The following EXD3 variants were observed in gnomAD, a reference collection of about 807,000 sequenced individuals.
The protein encoded by EXD3 is exonuclease mut-7 homolog.
EXD3 carries 92 observed loss-of-function variants against 98.0 expected under a neutral mutation model. The observed-to-expected ratio is 0.94, with a 90% CI of 0.79 to 1.12. The LOEUF is 1.12. Among genes scored for constraint, EXD3 ranks in the 50% most tolerant of loss-of-function variants. EXD3 has a pLI of 0.00. For synonymous variants in EXD3, 569 were observed against 526.0 expected, an observed-to-expected ratio of 1.08 and a Z score of -1.12; for missense variants, 1,222 against 1,191.6, an observed-to-expected ratio of 1.03 and a Z score of -0.38.
At chr9:137,330,258 C>G (rs1473288478) in intron 17 of EXD3, among the ~76,000 whole-genome samples, 1 of 127,894 alleles carries the variant, frequency 7.8e-6, no homozygotes, top group Non-Finnish European at 1.6e-5. Flanking sequence ...ACACAGGGCT[C>G]CACAGGAGCT....
In EXD3 at chr9:137,371,031, G is replaced by C. The variant is rs894509014; in HGVS notation, c.462+1874C>G. 6.6e-6 allele frequency among the ~76,000 whole-genome samples: 1 copy of C among 152,296 alleles called. No homozygotes were observed. Among genetic ancestry groups the C allele is most frequent in the East Asian group, 1.9e-4 (1 of 5,176 alleles). On this transcript the variant is annotated intron_variant, in intron 5 of 21. Transcript: ENST00000340951. This position sits in a 1 kb window ranked among gnomAD's most constrained non-coding sequence, Gnocchi z 8.0. Reference sequence around the variant, plus strand: ...GGCGGTGAGCAGTGGAGCATGCATCGCCTGCCGGGCGGCCCCGCTCGGGGA... The same window carrying C: ...GGCGGTGAGCAGTGGAGCATGCATCCCCTGCCGGGCGGCCCCGCTCGGGGA...
At position 137,349,329 on chromosome 9, in the gene EXD3, G is replaced by T. The variant is rs1026684969; in HGVS notation, c.1657+40C>A. ...GCCTCCCGGGACAGAGGGCGGGAGG[G>T]GCGTGAGGAGGGGTCACTCCCACCC... On this transcript the variant is annotated intron_variant, in intron 15 of 21. Transcript: ENST00000340951. This position sits in a 1 kb window ranked among gnomAD's most constrained non-coding sequence, Gnocchi z 7.4. The T allele has an allele frequency of 6.4e-6, 10 of 1,552,728 alleles. No homozygotes were observed. In the East Asian group the frequency reaches 2.1e-4, roughly 33 times the overall value.
chr9:137,408,828 G>A (rs943563192), intron 1 of EXD3, among the ~76,000 whole-genome samples: 1 of 152,178 alleles, frequency 6.6e-6, no homozygotes, highest in South Asian at 2.1e-4. Context: ...GGGCGCACAG[G>A]CCCAGGACCC....
intron 7 of EXD3, among the ~76,000 whole-genome samples, 170 bp from the exon 8 acceptor site, chr9:137,356,538 C>T (rs937259800): frequency 6.6e-6 from 1 of 152,180 alleles, no homozygotes; most frequent in African/African-American, 2.4e-5. Flanking sequence ...ACTTGGAGGT[C>T]GACATTGAAA....
Position 137,347,055 on chromosome 9 carries a change from C to T in EXD3, c.1998+1016G>A, listed in dbSNP as rs550496722. Among the ~76,000 whole-genome samples, 31 of 152,282 alleles carry T rather than the reference C, an allele frequency of 2.0e-4. No homozygotes were observed. The highest frequency in any genetic ancestry group is 2.1e-4 in the South Asian group (1 of 4,828). ...GGTCTTGAACCCCTGACCTTGTGAT[C>T]CACCCGCCTCGGCCTCCCAGAGTGC... On this transcript the variant is annotated intron_variant, in intron 17 of 21. Coordinates refer to ENST00000340951, the MANE Select transcript of EXD3 (RefSeq NM_017820.5). This position sits in a 1 kb window ranked among gnomAD's most constrained non-coding sequence, Gnocchi z 4.2.
rs1463406456 is a variant in EXD3 at position 137,306,923 on chromosome 9, CT to C, written c.*26del. 1 of 1,536,374 alleles carries C rather than the reference CT, an allele frequency of 6.5e-7. No homozygotes were observed. The highest frequency in any genetic ancestry group is 1.4e-5 in the African/African-American group (1 of 72,876). ...CGGCCATGGGCCCAGCAGTCGGGCA[CT>C]TTCCATGTTTATTGTCTGGCTGTCC... On this transcript the variant is annotated 3_prime_UTR_variant, in exon 22 of 22. Transcript: ENST00000340951.
At chr9:137,373,755 G>T (rs892840089) in intron 3 of EXD3, among the ~76,000 whole-genome samples, 156 bp from the exon 4 acceptor site, 2 of 152,222 alleles carry the variant, frequency 1.3e-5, no homozygotes, top group East Asian at 1.9e-4. Flanking sequence ...TTTTCATGCC[G>T]CCGTTCTGGT....
chr9:137,406,238 G>A (rs1372951657), intron 1 of EXD3, among the ~76,000 whole-genome samples: 1 of 99,426 alleles, frequency 1.0e-5, no homozygotes, highest in African/African-American at 3.8e-5. Context: ...AGAAAAGAAA[G>A]AAAAGAAAAG....
chr9:137,354,589 C>T (rs28417430), intron 9 of EXD3, 111 bp downstream of exon 9: 98,312 of 1,553,976 alleles, frequency 0.063, 3,704 homozygotes, highest in African/African-American at 0.16. Flanking sequence ...CAAGAAGCAG[C>T]TCCTACTTGA....
intron 17 of EXD3, among the ~76,000 whole-genome samples, chr9:137,341,071 T>TGGGGA (rs1833630926): frequency 6.6e-6 from 1 of 152,182 alleles, no homozygotes; most frequent in African/African-American, 2.4e-5. Flanking sequence ...ATCCCAGCAC[T>TGGGGA]TTGGGAGGCT....
At chr9:137,338,389 T>C (rs1751167316) in intron 17 of EXD3, among the ~76,000 whole-genome samples, 1 of 151,912 alleles carries the variant, frequency 6.6e-6, no homozygotes, top group South Asian at 2.1e-4. Context: ...GTGAAAACAA[T>C]ACTTTGAGAA....
At chr9:137,368,849 G>A (rs1019018343) in intron 5 of EXD3, among the ~76,000 whole-genome samples, 2 of 151,990 alleles carry the variant, frequency 1.3e-5, no homozygotes, top group African/African-American at 2.4e-5. Context: ...CGCAGGGCCC[G>A]GGGCGGGGGT....
At chr9:137,388,038 C>T (rs184358519) in intron 2 of EXD3, among the ~76,000 whole-genome samples, 20 of 152,306 alleles carry the variant, frequency 1.3e-4, no homozygotes, top group Non-Finnish European at 2.2e-4. Flanking sequence ...GGGGGCAGAG[C>T]GGGGCAGCTG....
chr9:137,324,232 G>T lies in EXD3; in HGVS notation c.1999-89C>A. The T allele has an allele frequency of 8.5e-7, 1 of 1,173,804 alleles. No individual in the cohort carries two copies. The highest frequency in any genetic ancestry group is 1.2e-6 in the Non-Finnish European group (1 of 817,408). 72.7% of individuals were successfully genotyped at this position (1,173,804 alleles called of 1,614,324 possible). A position where few individuals can be genotyped will look rare whatever the true frequency, so the allele number is the denominator to read the frequency against. On this transcript the variant is annotated intron_variant, in intron 17 of 21. Coordinates refer to ENST00000340951, the MANE Select transcript of EXD3 (RefSeq NM_017820.5). This position sits in a 1 kb window ranked among gnomAD's most constrained non-coding sequence, Gnocchi z 4.1. ...CTGCTCGCCACCCCCTAGCTCCCCG[G>T]ATCGTGGCCCTGCCCCAGGCCCCTT...
chr9:137,419,627 C>G (rs544540123), intron 1 of EXD3, among the ~76,000 whole-genome samples: 1 of 152,110 alleles, frequency 6.6e-6, no homozygotes, highest in East Asian at 1.9e-4. Flanking sequence ...CAAGATCGCA[C>G]CACTACACTC....
rs1471188378 is a variant in EXD3 at position 137,353,815 on chromosome 9, G to A, written c.870+524C>T. The A allele has an allele frequency of 1.0e-5, 10 of 986,174 alleles. No homozygotes were observed. In the East Asian group the frequency reaches 4.5e-4, roughly 45 times the overall value. The allele number at this position is 986,174 out of a possible 1,614,324, so 61.1% of individuals were successfully genotyped here. ...GCTCCTGCACGACCTCCCACCCCAC[G>A]GCCTCGAGGAGGGTCCGCCTGCCCC... On this transcript the variant is annotated intron_variant, in intron 10 of 21. Transcript: ENST00000340951.
rs1047844626 is a variant in EXD3 at position 137,347,359 on chromosome 9, G to A, written c.1998+712C>T. 1.2e-4 allele frequency among the ~76,000 whole-genome samples: 18 copies of A among 152,048 alleles called. No homozygotes were observed. Among genetic ancestry groups the A allele is most frequent in the African/African-American group, 2.7e-4 (11 of 41,436 alleles). On this transcript the variant is annotated intron_variant, in intron 17 of 21. Coordinates refer to ENST00000340951, the MANE Select transcript of EXD3 (RefSeq NM_017820.5). The surrounding 1 kb of genome is among the most constrained non-coding windows in gnomAD (Gnocchi z 4.2). ...CTGTTGGACTGAGGTTTCCTTGTGC[G>A]GCGTCCTCCATCTTCAAGCCAACAA...
At chr9:137,402,961 A>C (rs1259283602) in intron 1 of EXD3, among the ~76,000 whole-genome samples, 3 of 152,168 alleles carry the variant, frequency 2.0e-5, no homozygotes, top group African/African-American at 4.8e-5. Flanking sequence ...TACCATGAGA[A>C]CAGCATGGGA....
At chr9:137,390,183 C>T (rs2131744807) in intron 2 of EXD3, among the ~76,000 whole-genome samples, 1 of 141,964 alleles carries the variant, frequency 7.0e-6, no homozygotes, top group South Asian at 2.2e-4. Context: ...GTAATCCCAG[C>T]ACTTTGGGAG....
Sources: gnomAD v4.1 joint callset for allele counts (sites outside exome capture counted in the v4.1 genomes callset) on GRCh38, gnomAD v4.1.1 for gene constraint, Gnocchi (gnomAD v3.1) non-coding constraint, MANE v1.5 for transcripts, NCBI Gene and HGNC (gene_info 2026-07-23, HGNC 2026-07-21) for gene names.